PGM5: variants seen among roughly 807,000 people sequenced by gnomAD.
The protein encoded by PGM5 is phosphoglucomutase-like protein 5.
Under a neutral mutation model 59.2 loss-of-function variants are expected in PGM5, and 23 were observed. The observed-to-expected ratio is 0.39, with a 90% confidence interval of 0.28 to 0.55. The LOEUF (loss-of-function observed/expected upper bound fraction) is 0.55, where lower values mean the gene tolerates loss of function less well. Among genes scored for constraint, PGM5 ranks in the 20% least tolerant of loss-of-function variants. The pLI, the probability that PGM5 is intolerant of heterozygous loss-of-function variation, is 0.66. For synonymous variants in PGM5, 214 were observed against 286.0 expected (o/e 0.75, Z 2.54); for missense variants, 574 against 748.3 (o/e 0.77, Z 2.72).
chr9:68,360,148 T>C (rs1834549622), intron 1 of PGM5, among the ~76,000 whole-genome samples: 1 of 152,142 alleles, frequency 6.6e-6, no homozygotes, highest in Non-Finnish European at 1.5e-5. Context: ...AGCAATGTTC[T>C]AGGAAAAACT....
At chr9:68,496,825 C>T (rs782313998) in intron 9 of PGM5, 6 of 152,192 alleles carry the variant, frequency 3.9e-5, no homozygotes, top group Non-Finnish European at 7.3e-5. Flanking sequence ...ATGGGAGGTA[C>T]TTCAAAGGGT....
At chr9:68,388,133 C>A (rs1353634740) in intron 4 of PGM5, among the ~76,000 whole-genome samples, 1 of 136,012 alleles carries the variant, frequency 7.4e-6, no homozygotes, top group Non-Finnish European at 1.6e-5. Flanking sequence ...CTCCACCCAC[C>A]CTTTCCACCC....
chr9:68,409,644 A>C (rs1822886775), intron 6 of PGM5, among the ~76,000 whole-genome samples: 1 of 145,320 alleles, frequency 6.9e-6, no homozygotes, highest in African/African-American at 2.6e-5. Flanking sequence ...CAAACACCGC[A>C]TGTTCTCACT....
intron 7 of PGM5, chr9:68,466,308 T>A: frequency 1.6e-6 from 1 of 634,992 alleles, no homozygotes; most frequent in Non-Finnish European, 2.2e-6. Flanking sequence ...TTGACTCTTT[T>A]AAAATAGTTT....
At chr9:68,380,415 A>T (rs1371492923) in intron 2 of PGM5, among the ~76,000 whole-genome samples, 4 of 151,982 alleles carry the variant, frequency 2.6e-5, no homozygotes, top group Admixed American at 2.6e-4. Flanking sequence ...ATGGAAACAC[A>T]ATGTATCAAA....
At chr9:68,369,695 T>G (rs1834747493) in intron 1 of PGM5, among the ~76,000 whole-genome samples, 1 of 152,218 alleles carries the variant, frequency 6.6e-6, no homozygotes, top group Admixed American at 6.5e-5. Context: ...TCGGCACTTA[T>G]TCAGATATTA....
intron 6 of PGM5, among the ~76,000 whole-genome samples, chr9:68,448,850 G>A (rs1823653301): frequency 6.6e-6 from 1 of 152,220 alleles, no homozygotes; most frequent in South Asian, 2.1e-4. Context: ...GGTGCTATGG[G>A]ACAGCAGATT....
intron 2 of PGM5, among the ~76,000 whole-genome samples, chr9:68,384,059 G>A (rs563669547): frequency 1.3e-5 from 2 of 152,182 alleles, no homozygotes; most frequent in African/African-American, 4.8e-5. Context: ...TCCTGTTTGT[G>A]TCTCATAACC....
At chr9:68,362,870 T>C (rs1481743243) in intron 1 of PGM5, among the ~76,000 whole-genome samples, 6 of 142,026 alleles carry the variant, frequency 4.2e-5, no homozygotes, top group East Asian at 2.0e-4. Context: ...TTTTTCTTTT[T>C]TTTTTTTTTT....
At chr9:68,465,610 G>A (rs59438464) in intron 7 of PGM5, among the ~76,000 whole-genome samples, 3,393 of 152,096 alleles carry the variant, frequency 0.022, 121 homozygotes, top group African/African-American at 0.075. Context: ...TGTTTTATCC[G>A]TAAGCATTTC....
At chr9:68,529,210 T>TGTGTGG (rs1391957967) in intron 10 of PGM5, among the ~76,000 whole-genome samples, 1 of 138,182 alleles carries the variant, frequency 7.2e-6, no homozygotes, top group African/African-American at 2.7e-5. Context: ...TGTGTGTGTG[T>TGTGTGG]GGTGAGGATG....
Position 68,432,119 on chromosome 9 carries a change from G to A in PGM5, c.1044-32974G>A, listed in dbSNP as rs575332936. Among the ~76,000 whole-genome samples the A allele has an allele frequency of 1.3e-4, 20 of 151,966 alleles. No homozygotes were observed. The East Asian group carries it at 3.9e-3, about 29-fold the overall frequency. On this transcript the variant is annotated intron_variant, in intron 6 of 10. Transcript: ENST00000396396. ...CCTATACAGAATCACTATTAACAGT[G>A]GTATGTGACTTTTCAGACATTGTAT...
At chr9:68,433,981 C>G (rs1359260797) in intron 6 of PGM5, among the ~76,000 whole-genome samples, 38 of 152,214 alleles carry the variant, frequency 2.5e-4, no homozygotes, top group Admixed American at 2.5e-3. Context: ...TTCACCAGTT[C>G]CTAAGAGACC....
intron 10 of PGM5, among the ~76,000 whole-genome samples, chr9:68,512,586 T>G (rs1368371742): frequency 6.6e-6 from 1 of 152,202 alleles, no homozygotes; most frequent in Non-Finnish European, 1.5e-5. Context: ...CTCTTCATTA[T>G]CATCTTCCTT....
At chr9:68,506,602 A>T (rs1375991930) in intron 10 of PGM5, among the ~76,000 whole-genome samples, 1 of 152,274 alleles carries the variant, frequency 6.6e-6, no homozygotes, top group African/African-American at 2.4e-5. Flanking sequence ...TATGAAAATA[A>T]TAATGTTCTA....
At chr9:68,424,608 G>A (rs1217589107) in intron 6 of PGM5, among the ~76,000 whole-genome samples, 2 of 152,194 alleles carry the variant, frequency 1.3e-5, no homozygotes, top group Non-Finnish European at 2.9e-5. Context: ...ATGTTAATGG[G>A]TGTTCTTAAA....
At chr9:68,372,079 G>A (rs187849570) in intron 1 of PGM5, among the ~76,000 whole-genome samples, 26 of 152,244 alleles carry the variant, frequency 1.7e-4, no homozygotes, top group African/African-American at 4.6e-4. Flanking sequence ...ATTTGTTATA[G>A]CAGCCTTGTG....
At chr9:68,462,151 G>C (rs1169143665) in intron 6 of PGM5, among the ~76,000 whole-genome samples, 2 of 152,030 alleles carry the variant, frequency 1.3e-5, no homozygotes, top group African/African-American at 4.8e-5. Context: ...ATGTGGCCCA[G>C]GTTACCTTTC....
chr9:68,526,799 A>G (rs953236574), intron 10 of PGM5, among the ~76,000 whole-genome samples: 1 of 152,220 alleles, frequency 6.6e-6, no homozygotes, highest in African/African-American at 2.4e-5. Context: ...GCTAATCACC[A>G]TTATCTGTTC....
Sources: allele counts gnomAD v4.1 joint callset (sites outside exome capture counted in the v4.1 genomes callset), GRCh38; gene constraint gnomAD v4.1.1; transcripts MANE v1.5; gene names NCBI Gene and HGNC (gene_info 2026-07-23, HGNC 2026-07-21).